SCAMP4: variants seen among roughly 807,000 people sequenced by gnomAD.
SCAMP4 encodes the protein secretory carrier-associated membrane protein 4.
Under a neutral mutation model 32.1 loss-of-function variants are expected in SCAMP4, and 19 were observed. That is an observed-to-expected ratio of 0.59 (90% CI 0.41 to 0.87). The LOEUF (loss-of-function observed/expected upper bound fraction) is 0.87. Among genes scored for constraint, SCAMP4 ranks in the 40% least tolerant of loss-of-function variants. The pLI is 0.00. For synonymous variants in SCAMP4, 152 were observed against 132.7 expected (o/e 1.15, Z -1.00); for missense variants, 302 against 309.0 (o/e 0.98, Z 0.17).
chr19:1,915,154 C>T, intron 2 of SCAMP4, 128 bp downstream of exon 2: 4 of 1,118,984 alleles, frequency 3.6e-6, no homozygotes, highest in Non-Finnish European at 2.7e-6. Context: ...CCTCTGACTC[C>T]TCGGGTCCCG....
chr19:1,921,999 G>A (rs73916829), intron 5 of SCAMP4: 1 of 985,376 alleles, frequency 1.0e-6, no homozygotes, highest in Non-Finnish European at 1.2e-6. Context: ...ACATCCGGGG[G>A]TGTGGGTCCT....
chr19:1,907,541 GTT>G (rs2013195372), intron 1 of SCAMP4, among the ~76,000 whole-genome samples: 1 of 152,180 alleles, frequency 6.6e-6, no homozygotes, highest in Non-Finnish European at 1.5e-5. Context: ...GACTGGGTGT[GTT>G]TTCTGGGTGG....
chr19:1,907,367 CTT>C (rs2013180057), intron 1 of SCAMP4, among the ~76,000 whole-genome samples: 1 of 146,512 alleles, frequency 6.8e-6, no homozygotes, highest in South Asian at 2.1e-4. Context: ...CCCATTTTCT[CTT>C]ATGTACCTGA....
intron 3 of SCAMP4, 131 bp from the exon 4 acceptor site, chr19:1,917,996 G>A: frequency 7.3e-7 from 1 of 1,374,070 alleles, no homozygotes; most frequent in Non-Finnish European, 9.9e-7. Flanking sequence ...GTCTTGGCTT[G>A]CACAGTTCAT....
At chr19:1,914,524 C>T (rs1290711553) in intron 1 of SCAMP4, 2 of 213,964 alleles carry the variant, frequency 9.3e-6, no homozygotes, top group East Asian at 2.4e-4. Context: ...TCCACTCAGT[C>T]GTGGGTGGAT....
chr19:1,912,974 G>A (rs912431884), intron 1 of SCAMP4: 2 of 1,609,700 alleles, frequency 1.2e-6, no homozygotes, highest in African/African-American at 1.3e-5. Flanking sequence ...CCTGCGCCAT[G>A]TGCGCCATGG....
rs1352683838 is a variant in SCAMP4, at chr19:1,923,045, C to T, written c.396-25C>T. 3 of 1,525,586 alleles carry T rather than the reference C, an allele frequency of 2.0e-6. No individual in the cohort carries two copies. In the South Asian group the frequency reaches 3.7e-5, roughly 19 times the overall value. 94.5% of individuals were successfully genotyped at this position (1,525,586 alleles called of 1,614,324 possible). A position where few individuals can be genotyped will look rare whatever the true frequency, so the allele number is the denominator to read the frequency against. On this transcript the variant is annotated intron_variant, in intron 5 of 6. Transcript: ENST00000316097. ...CCTCATCCAGCAGGTGTGCAGGCACCCACGCACTCTCTTGTCCCTTGCAGC... is the reference window on the plus strand; with the variant it reads ...CCTCATCCAGCAGGTGTGCAGGCACTCACGCACTCTCTTGTCCCTTGCAGC...
At chr19:1,909,748 C>G (rs986207924) in intron 1 of SCAMP4, among the ~76,000 whole-genome samples, 1 of 152,228 alleles carries the variant, frequency 6.6e-6, no homozygotes, top group African/African-American at 2.4e-5. Flanking sequence ...CAGCCCCACT[C>G]CAGCCAGGGC....
chr19:1,915,168 C>A, intron 2 of SCAMP4, 142 bp downstream of exon 2: 1 of 969,002 alleles, frequency 1.0e-6, no homozygotes, highest in Non-Finnish European at 1.6e-6. Flanking sequence ...GGTCCCGTAG[C>A]CCAGCACAGC....
At chr19:1,909,855 G>A (rs1189529910) in intron 1 of SCAMP4, among the ~76,000 whole-genome samples, 1 of 152,232 alleles carries the variant, frequency 6.6e-6, no homozygotes, top group African/African-American at 2.4e-5. Flanking sequence ...GTCAAGGGAT[G>A]GGAAGTCGGG....
rs769360829 is a variant in SCAMP4, at chr19:1,908,672, A to G, written c.-42+3233A>G. ...TTTAGGATTTTATTATTATTTATTTATTTGAAAAAAGGAACAGGGTCTCTC... is the reference window on the plus strand; with the variant it reads ...TTTAGGATTTTATTATTATTTATTTGTTTGAAAAAAGGAACAGGGTCTCTC... On this transcript the variant is annotated intron_variant, in intron 1 of 6. Transcript: ENST00000316097. The surrounding 1 kb of genome is among the most constrained non-coding windows in gnomAD (Gnocchi z 4.2). 6.9e-6 allele frequency: 3 copies of G among 436,608 alleles called. No individual in the cohort carries two copies. The highest frequency in any genetic ancestry group is 3.3e-5 in the South Asian group (2 of 60,250). 27.0% of individuals were successfully genotyped at this position (436,608 alleles called of 1,614,324 possible). A position where few individuals can be genotyped will look rare whatever the true frequency, so the allele number is the denominator to read the frequency against.
rs770794299 is a variant in SCAMP4 at position 1,924,525 on chromosome 19, C to T, written c.*241C>T. On this transcript the variant is annotated 3_prime_UTR_variant, in exon 7 of 7. Coordinates refer to ENST00000316097, the MANE Select transcript of SCAMP4 (RefSeq NM_079834.4). ...CCCTTGGCCTCTGCCGTCCACAGGACGCCCTCTTGCTCCCGGAAACGTGTG... is the reference window on the plus strand; with the variant it reads ...CCCTTGGCCTCTGCCGTCCACAGGATGCCCTCTTGCTCCCGGAAACGTGTG... The T allele has an allele frequency of 2.4e-5, 13 of 547,554 alleles. No homozygotes were observed. The highest frequency in any genetic ancestry group is 6.2e-5 in the Admixed American group (2 of 32,420). The allele number at this position is 547,554 out of a possible 1,614,324, so 33.9% of individuals were successfully genotyped here. A position where few individuals can be genotyped will look rare whatever the true frequency, so the allele number is the denominator to read the frequency against.
intron 4 of SCAMP4, 61 bp downstream of exon 4, chr19:1,918,344 C>G: frequency 6.8e-7 from 1 of 1,467,726 alleles, no homozygotes. Flanking sequence ...CTCTGCACCC[C>G]AGTCCCAGCC....
At chr19:1,922,819 C>A in intron 5 of SCAMP4, 3 of 1,192,744 alleles carry the variant, frequency 2.5e-6, no homozygotes, top group Non-Finnish European at 3.1e-6. Flanking sequence ...TGTGTTCACG[C>A]GTCGAAGTTT....
intron 3 of SCAMP4, 84 bp downstream of exon 3, chr19:1,917,906 G>T (rs1323489723): frequency 1.5e-5 from 24 of 1,558,132 alleles, no homozygotes; most frequent in East Asian, 4.5e-5. Context: ...GGGGCAGCCC[G>T]TCGGGGGCCC....
Position 1,925,910 on chromosome 19 carries a change from A to ACCCCC in SCAMP4, c.*1631_*1635dup, listed in dbSNP as rs71174396. The ACCCCC allele has an allele frequency of 8.9e-6, 1 of 112,694 alleles. No homozygotes were observed. Among genetic ancestry groups the ACCCCC allele is most frequent in the Non-Finnish European group, 1.7e-5 (1 of 58,980 alleles). The allele number at this position is 112,694 out of a possible 1,614,324, so 7.0% of individuals were successfully genotyped here. On this transcript the variant is annotated 3_prime_UTR_variant, in exon 7 of 7. Coordinates refer to ENST00000316097, the MANE Select transcript of SCAMP4 (RefSeq NM_079834.4). ...GACAAAATCTCACCTGGCAGGCCCA[A>ACCCCC]CCCCCCCCCACCCCTCCCCCGCCGT...
chr19:1,919,283 T>C (rs2013842480), intron 5 of SCAMP4: 1 of 1,268,666 alleles, frequency 7.9e-7, no homozygotes, highest in Non-Finnish European at 1.0e-6. Context: ...CTCCTGAGTG[T>C]TGATCACACC....
At chr19:1,918,075 C>T (rs1240477859) in intron 3 of SCAMP4, 52 bp from the exon 4 acceptor site, 26 of 1,568,854 alleles carry the variant, frequency 1.7e-5, no homozygotes, top group Non-Finnish European at 2.3e-5. Flanking sequence ...CATGCTTTCC[C>T]ACGGCCACAC....
intron 5 of SCAMP4, chr19:1,921,400 G>C: frequency 1.0e-6 from 1 of 984,076 alleles, no homozygotes. Context: ...TGTGTAGATG[G>C]TGAGGGTGGC....
Sources: gnomAD v4.1 joint callset for allele counts (sites outside exome capture counted in the v4.1 genomes callset) on GRCh38, gnomAD v4.1.1 for gene constraint, Gnocchi (gnomAD v3.1) non-coding constraint, MANE v1.5 for transcripts, NCBI Gene and HGNC (gene_info 2026-07-23, HGNC 2026-07-21) for gene names.